RPS6KC1: variants seen among roughly 807,000 people sequenced by gnomAD.
The protein encoded by RPS6KC1 is ribosomal protein S6 kinase C1, also known as inactive ribosomal protein S6 kinase delta-1.
A neutral mutation model predicts 103.8 loss-of-function variants in RPS6KC1; 54 were observed. The observed-to-expected ratio is 0.52, with a 90% confidence interval of 0.42 to 0.65. The LOEUF (loss-of-function observed/expected upper bound fraction) is 0.65. Ranked by LOEUF, RPS6KC1 falls within the 30% of genes least tolerant of loss-of-function variation. RPS6KC1 has a pLI of 0.00. For missense variants in RPS6KC1, 1,151 were observed against 1,253.8 expected (o/e 0.92, Z 1.24); for synonymous variants, 439 against 438.7 (o/e 1.00, Z -0.01).
Position 213,161,879 on chromosome 1 carries a change from A to G in RPS6KC1, c.836-5979A>G, listed in dbSNP as rs1001090739. Among the ~76,000 whole-genome samples, 11 of 152,348 alleles carry G rather than the reference A, an allele frequency of 7.2e-5. No individual in the cohort carries two copies. The East Asian group carries it at 2.1e-3, about 29-fold the overall frequency. ...GAATTAATATCATGGCATCAAGAAA[A>G]CAATTATTGGACTCTAGATTCTTCC... On this transcript the variant is annotated intron_variant, in intron 6 of 14. Transcript: ENST00000366960.
intron 1 of RPS6KC1, among the ~76,000 whole-genome samples, chr1:213,064,621 G>A (rs577220747): frequency 6.6e-6 from 1 of 150,840 alleles, no homozygotes; most frequent in Non-Finnish European, 1.5e-5. Flanking sequence ...TCCTGCCTGG[G>A]CCTCCCAAAG....
chr1:213,222,430 G>C (rs2093857634), intron 8 of RPS6KC1, among the ~76,000 whole-genome samples: 1 of 152,120 alleles, frequency 6.6e-6, no homozygotes, highest in African/African-American at 2.4e-5. Context: ...AGGACAGATT[G>C]GTTTCATGGC....
intron 6 of RPS6KC1, among the ~76,000 whole-genome samples, chr1:213,146,717 G>T (rs576114442): frequency 1.3e-4 from 20 of 152,098 alleles, no homozygotes; most frequent in African/African-American, 4.3e-4. Flanking sequence ...GAGCCACTGT[G>T]CCCGGCCGTG....
At chr1:213,169,430 A>AT (rs748052070) in intron 7 of RPS6KC1, among the ~76,000 whole-genome samples, 81 of 152,052 alleles carry the variant, frequency 5.3e-4, no homozygotes, top group Admixed American at 2.6e-4. Flanking sequence ...CTGCTGATTG[A>AT]TTTTCAGATT....
At chr1:213,307,060 G>GTT in the RPS6KC1 span, among the ~76,000 whole-genome samples, 567 of 130,428 alleles carry the variant, frequency 4.3e-3, 13 homozygotes, top group African/African-American at 0.014. Context: ...AAGGATGCAG[G>GTT]TTTTTTTTTT....
At chr1:213,537,242 C>A in the RPS6KC1 span, among the ~76,000 whole-genome samples, 2 of 152,172 alleles carry the variant, frequency 1.3e-5, no homozygotes, top group African/African-American at 4.8e-5. Flanking sequence ...GGGTTGGCCA[C>A]TCCTGAATTC....
chr1:213,213,122 A>G (rs189468871), intron 8 of RPS6KC1, among the ~76,000 whole-genome samples: 268 of 152,300 alleles, frequency 1.8e-3, no homozygotes, highest in Middle Eastern at 3.4e-3. Flanking sequence ...TGCCTTTGAT[A>G]TTATCTCAGA....
At chr1:213,183,433 A>G (rs2148387629) in intron 8 of RPS6KC1, among the ~76,000 whole-genome samples, 1 of 152,284 alleles carries the variant, frequency 6.6e-6, no homozygotes, top group East Asian at 1.9e-4. Context: ...GAAGTATTGA[A>G]ATCATACTGA....
At chr1:213,318,855 G>A in the RPS6KC1 span, among the ~76,000 whole-genome samples, 1 of 152,142 alleles carries the variant, frequency 6.6e-6, no homozygotes, top group African/African-American at 2.4e-5. Flanking sequence ...TTTTGGGTAG[G>A]GACACAGCCA....
the RPS6KC1 span, among the ~76,000 whole-genome samples, chr1:213,560,621 C>T: frequency 6.6e-6 from 1 of 152,182 alleles, no homozygotes; most frequent in Non-Finnish European, 1.5e-5. Flanking sequence ...ACCTTTGAGA[C>T]CCTAAGTAGG....
chr1:213,108,231 G>A (rs1178652990), intron 4 of RPS6KC1, among the ~76,000 whole-genome samples: 1 of 152,122 alleles, frequency 6.6e-6, no homozygotes, highest in African/African-American at 2.4e-5. Context: ...AAGTTTTAAT[G>A]TTACAGGTCT....
At chr1:213,652,728 C>T in the RPS6KC1 span, among the ~76,000 whole-genome samples, 1 of 152,162 alleles carries the variant, frequency 6.6e-6, no homozygotes, top group Admixed American at 6.5e-5. Flanking sequence ...AACTGAGGTA[C>T]CCCAGCCAGG....
the RPS6KC1 span, among the ~76,000 whole-genome samples, chr1:213,560,265 G>A: frequency 6.6e-6 from 1 of 152,206 alleles, no homozygotes. Flanking sequence ...TTAAGTAGAT[G>A]AGCCTGACCT....
the RPS6KC1 span, among the ~76,000 whole-genome samples, chr1:213,402,153 C>T: frequency 6.6e-6 from 1 of 152,192 alleles, no homozygotes; most frequent in Non-Finnish European, 1.5e-5. Flanking sequence ...AGTGGTGTCA[C>T]AGACATGGCT....
chr1:213,399,965 G>A, the RPS6KC1 span, among the ~76,000 whole-genome samples: 2 of 152,132 alleles, frequency 1.3e-5, no homozygotes, highest in Non-Finnish European at 2.9e-5. Flanking sequence ...TCTGCTTCAG[G>A]CATGGGCATT....
chr1:213,185,328 A>G (rs901727088), intron 8 of RPS6KC1, among the ~76,000 whole-genome samples: 18 of 152,226 alleles, frequency 1.2e-4, no homozygotes, highest in Middle Eastern at 3.4e-3. Context: ...TTATTTCTTT[A>G]TTCAGCCACT....
At chr1:213,735,068 C>T in the RPS6KC1 span, among the ~76,000 whole-genome samples, 58 of 152,254 alleles carry the variant, frequency 3.8e-4, no homozygotes, top group African/African-American at 1.2e-3. Flanking sequence ...GGACTACAGG[C>T]GCCCACCACC....
intron 6 of RPS6KC1, among the ~76,000 whole-genome samples, chr1:213,143,614 T>G (rs2147783657): frequency 6.6e-6 from 1 of 152,164 alleles, no homozygotes; most frequent in South Asian, 2.1e-4. Context: ...CTATAGATTT[T>G]GATATGTCAA....
chr1:213,327,764 G>C, the RPS6KC1 span, among the ~76,000 whole-genome samples: 1 of 152,172 alleles, frequency 6.6e-6, no homozygotes, highest in Non-Finnish European at 1.5e-5. Context: ...CTGTTGAAAA[G>C]TAATTGGCAA....
Sources: gnomAD v4.1 joint callset for allele counts (sites outside exome capture counted in the v4.1 genomes callset) on GRCh38, gnomAD v4.1.1 for gene constraint, MANE v1.5 for transcripts, NCBI Gene and HGNC (gene_info 2026-07-23, HGNC 2026-07-21) for gene names.